Variants in PPP3CA observed in about 807,000 individuals in gnomAD.
PPP3CA encodes CAM-PRP catalytic subunit.
Under a neutral mutation model 66.5 loss-of-function variants are expected in PPP3CA, and 14 were observed. The observed-to-expected ratio is 0.21, with a 90% CI of 0.14 to 0.33. The LOEUF is 0.33. Among genes scored for constraint, PPP3CA ranks in the 10% least tolerant of loss-of-function variants. PPP3CA has a pLI of 1.00. For synonymous variants in PPP3CA, 232 were observed against 226.2 expected, an observed-to-expected ratio of 1.03 and a Z score of -0.23; for missense variants, 317 against 639.5, an observed-to-expected ratio of 0.50 and a Z score of 5.44.
chr4:101,150,156 T>C (rs1285410481), intron 2 of PPP3CA, among the ~76,000 whole-genome samples: 1 of 152,104 alleles, frequency 6.6e-6, no homozygotes, highest in East Asian at 1.9e-4. Context: ...AATAAAATAA[T>C]CAGAACGTTA....
At chr4:101,346,654 G>A in intron 1 of PPP3CA, 85 bp downstream of exon 1, 1 of 1,130,256 alleles carries the variant, frequency 8.8e-7, no homozygotes, top group Admixed American at 2.0e-5. Context: ...CTGGGGCGGG[G>A]GAGGGGAGGA....
chr4:101,261,030 T>G (rs895934173), intron 1 of PPP3CA, among the ~76,000 whole-genome samples: 27 of 152,114 alleles, frequency 1.8e-4, no homozygotes, highest in African/African-American at 6.5e-4. Flanking sequence ...TTTGACAAGA[T>G]CTTCCACAAG....
At chr4:101,123,925 A>T (rs1386488451) in intron 2 of PPP3CA, among the ~76,000 whole-genome samples, 1 of 152,208 alleles carries the variant, frequency 6.6e-6, no homozygotes, top group Non-Finnish European at 1.5e-5. Flanking sequence ...ACTTGTACAG[A>T]ATAGTACTCT....
chr4:101,036,662 T>C (rs578112171), intron 11 of PPP3CA, among the ~76,000 whole-genome samples: 403 of 152,308 alleles, frequency 2.6e-3, no homozygotes, highest in African/African-American at 9.1e-3. Flanking sequence ...TCCACCCGCC[T>C]TGGCCTCCCA....
chr4:101,219,944 C>A (rs914939111), intron 1 of PPP3CA, among the ~76,000 whole-genome samples: 1 of 151,696 alleles, frequency 6.6e-6, no homozygotes, highest in Non-Finnish European at 1.5e-5. Context: ...TGTTACTGAA[C>A]GTCCATAATG....
intron 1 of PPP3CA, among the ~76,000 whole-genome samples, chr4:101,313,107 T>A (rs181124797): frequency 5.3e-5 from 8 of 152,292 alleles, no homozygotes; most frequent in Non-Finnish European, 1.0e-4. Flanking sequence ...TTACTAAAGA[T>A]CCTATGGGTA....
rs1274583043 is a variant in PPP3CA, at chr4:101,347,046, G to A, written c.-250C>T. On this transcript the variant is annotated 5_prime_UTR_variant, in exon 1 of 14. Transcript: ENST00000394854. ...GCCCCGCCGACTCGCTCCGGGCTGC[G>A]CGTGTGTGGTGGTTATTTATTTATT... 7 of 579,798 alleles carry A rather than the reference G, an allele frequency of 1.2e-5. No homozygotes were observed. The highest frequency in any genetic ancestry group is 2.1e-5 in the Non-Finnish European group (7 of 331,322). The allele number at this position is 579,798 out of a possible 1,614,324, so 35.9% of individuals were successfully genotyped here.
chr4:101,124,737 A>AAGAGAGAGAG (rs761411368), intron 2 of PPP3CA, among the ~76,000 whole-genome samples: 12 of 74,028 alleles, frequency 1.6e-4, no homozygotes, highest in Admixed American at 1.1e-3. Context: ...GAAAGAAAGA[A>AAGAGAGAGAG]AGAAAGAAAG....
rs61328559 is a variant in PPP3CA at position 101,278,144 on chromosome 4, A to AAAT, written c.58+68594_58+68595insATT. Among the ~76,000 whole-genome samples, 102 of 145,252 alleles carry AAAT rather than the reference A, an allele frequency of 7.0e-4. 1 individual carries two copies. The highest frequency in any genetic ancestry group is 2.3e-3 in the African/African-American group (89 of 38,542). On this transcript the variant is annotated intron_variant, in intron 1 of 13. Coordinates refer to ENST00000394854, the MANE Select transcript of PPP3CA (RefSeq NM_000944.5). ...TAGTAAAAAAAAAAAAAAAAATAAA[A>AAAT]AAATTAAAAAGTTATTTTAACTACG...
chr4:101,202,134 G>A (rs988536060), intron 1 of PPP3CA, among the ~76,000 whole-genome samples: 1 of 152,084 alleles, frequency 6.6e-6, no homozygotes, highest in African/African-American at 2.4e-5. Context: ...CTATCCTAAG[G>A]TTATGTCTGA....
intron 3 of PPP3CA, among the ~76,000 whole-genome samples, chr4:101,106,450 A>AAAGAAAGAAAGAAAGAAAG (rs751759518): frequency 0.046 from 514 of 11,114 alleles, 119 homozygotes; most frequent in Non-Finnish European, 0.059. Flanking sequence ...AGAAAGAAAG[A>AAAGAAAGAAAGAAAGAAAG]AAGAGAAAAG....
At chr4:101,168,020 C>T (rs1167938192) in intron 2 of PPP3CA, among the ~76,000 whole-genome samples, 2 of 152,124 alleles carry the variant, frequency 1.3e-5, no homozygotes, top group African/African-American at 4.8e-5. Context: ...GGTGGTACTT[C>T]TGTTTTACCA....
At chr4:101,138,295 T>G (rs1722687581) in intron 2 of PPP3CA, among the ~76,000 whole-genome samples, 1 of 152,212 alleles carries the variant, frequency 6.6e-6, no homozygotes, top group African/African-American at 2.4e-5. Context: ...TTTCCTTAAG[T>G]GCATAATTTT....
intron 2 of PPP3CA, among the ~76,000 whole-genome samples, chr4:101,124,731 GAAAGAAAGAAAGAA>G (rs1560614498): frequency 3.3e-3 from 199 of 60,240 alleles, no homozygotes; most frequent in African/African-American, 8.9e-3. Context: ...GAAAGAGAAA[GAAAGAAAGAAAGAA>G]AGAAAGAAAG....
At chr4:101,258,140 G>A (rs1726904245) in intron 1 of PPP3CA, among the ~76,000 whole-genome samples, 1 of 152,090 alleles carries the variant, frequency 6.6e-6, no homozygotes, top group East Asian at 1.9e-4. Flanking sequence ...CTTTAATCAA[G>A]AACACTAAAT....
rs35795123 is a variant in PPP3CA, at chr4:101,092,428, G to GT, written c.782+1347dup. 2.4e-3 allele frequency among the ~76,000 whole-genome samples: 354 copies of GT among 144,734 alleles called. 2 individuals are homozygous for GT. Among genetic ancestry groups the GT allele is most frequent in the East Asian group, 4.4e-3 (22 of 4,954 alleles). 95.0% of individuals were successfully genotyped at this position (144,734 alleles called of 152,430 possible). On this transcript the variant is annotated intron_variant, in intron 6 of 13. Transcript: ENST00000394854. Reference sequence around the variant, plus strand: ...GCTGGTGTTGGATTTTTTTGGTACAGTTTTTTTTTTTTTAATACTGGAGTT... The same window carrying GT: ...GCTGGTGTTGGATTTTTTTGGTACAGTTTTTTTTTTTTTTAATACTGGAGTT...
intron 1 of PPP3CA, among the ~76,000 whole-genome samples, chr4:101,270,237 C>T (rs1047049101): frequency 2.6e-5 from 4 of 152,050 alleles, no homozygotes; most frequent in Non-Finnish European, 4.4e-5. Context: ...CTGTGAGATC[C>T]GTGACAGGTC....
intron 2 of PPP3CA, among the ~76,000 whole-genome samples, chr4:101,172,650 T>C (rs2659501): frequency 0.26 from 39,770 of 151,804 alleles, 6,164 homozygotes; most frequent in East Asian, 0.48. Flanking sequence ...CTCTAATGAG[T>C]CTTAGGAGGT....
chr4:101,276,508 C>T (rs915295160), intron 1 of PPP3CA, among the ~76,000 whole-genome samples: 5 of 152,128 alleles, frequency 3.3e-5, no homozygotes, highest in African/African-American at 1.2e-4. Context: ...GAATGTTTTT[C>T]ATGACTTGTT....
Sources: gnomAD v4.1 joint callset for allele counts (sites outside exome capture counted in the v4.1 genomes callset) on GRCh38, gnomAD v4.1.1 for gene constraint, MANE v1.5 for transcripts, NCBI Gene and HGNC (gene_info 2026-07-23, HGNC 2026-07-21) for gene names.